The following TNIK variants were observed in gnomAD, a reference collection of about 807,000 sequenced individuals.
TNIK encodes the protein TRAF2 and NCK-interacting protein kinase.
A neutral mutation model predicts 191.3 loss-of-function variants in TNIK; 49 were observed. The observed-to-expected ratio is 0.26, with a 90% CI of 0.20 to 0.32. The LOEUF (loss-of-function observed/expected upper bound fraction) is 0.32. TNIK is among the 10% of genes least tolerant of loss of function. The pLI, the probability that TNIK is intolerant of heterozygous loss-of-function variation, is 1.00. For synonymous variants in TNIK, 594 were observed against 600.9 expected (o/e 0.99, Z 0.17); for missense variants, 1,155 against 1,702.3 (o/e 0.68, Z 5.66).
intron 1 of TNIK, among the ~76,000 whole-genome samples, chr3:171,397,084 A>G (rs1001721121): frequency 5.3e-5 from 8 of 152,234 alleles, no homozygotes; most frequent in Non-Finnish European, 1.2e-4. Flanking sequence ...GAAAGAGATT[A>G]AGGAGCAGAA....
chr3:171,116,291 T>C (rs1351136261), intron 18 of TNIK, among the ~76,000 whole-genome samples: 3 of 152,182 alleles, frequency 2.0e-5, no homozygotes, highest in East Asian at 1.9e-4. Flanking sequence ...CATGAAATAA[T>C]AGATATCCCT....
chr3:171,322,772 C>T (rs1246893790), intron 2 of TNIK, among the ~76,000 whole-genome samples: 8 of 151,834 alleles, frequency 5.3e-5, no homozygotes, highest in Non-Finnish European at 1.2e-4. Flanking sequence ...TGCCCCCTTT[C>T]CTCACCAAAG....
At chr3:171,166,458 T>C (rs1014990290) in intron 10 of TNIK, among the ~76,000 whole-genome samples, 10 of 152,226 alleles carry the variant, frequency 6.6e-5, no homozygotes, top group Non-Finnish European at 1.3e-4. Flanking sequence ...TTTGGACTCA[T>C]GTTCTTTCAA....
intron 21 of TNIK, 109 bp from the exon 22 acceptor site, chr3:171,101,742 A>T: frequency 9.1e-7 from 1 of 1,094,126 alleles, no homozygotes; most frequent in Non-Finnish European, 1.3e-6. Context: ...AAAGCTCTAT[A>T]TAGAACTGTG....
chr3:171,441,075 ATC>A (rs1227457061), intron 1 of TNIK, among the ~76,000 whole-genome samples: 5 of 152,228 alleles, frequency 3.3e-5, no homozygotes, highest in African/African-American at 1.2e-4. Context: ...GAACCCATCT[ATC>A]TCTCCAGGTG....
At chr3:171,064,349 C>T (rs1718156896) in intron 32 of TNIK, among the ~76,000 whole-genome samples, 1 of 152,160 alleles carries the variant, frequency 6.6e-6, no homozygotes, top group Non-Finnish European at 1.5e-5. Context: ...CCTTCTCTCA[C>T]CCTTAAATGA....
Position 171,183,921 on chromosome 3 carries a change from T to TAAA in TNIK, c.639+4778_639+4780dup, listed in dbSNP as rs11437224. ...AGGTGACAAGAGGTAGACTCCGTCT[T>TAAA]AAAAAAAAAAAAAAAAAAAAAAGGC... On this transcript the variant is annotated intron_variant, in intron 7 of 32. Coordinates refer to ENST00000436636, the MANE Select transcript of TNIK (RefSeq NM_015028.4). 9.2e-3 allele frequency among the ~76,000 whole-genome samples: 796 copies of TAAA among 86,312 alleles called. 11 individuals carry two copies. The highest frequency in any genetic ancestry group is 0.045 in the East Asian group (105 of 2,356). The allele number at this position is 86,312 out of a possible 152,430, so 56.6% of individuals were successfully genotyped here. A position where few individuals can be genotyped will look rare whatever the true frequency, so the allele number is the denominator to read the frequency against.
At chr3:171,369,541 G>T in intron 2 of TNIK, 79 bp downstream of exon 2, 1 of 1,107,332 alleles carries the variant, frequency 9.0e-7, no homozygotes, top group Non-Finnish European at 1.3e-6. Flanking sequence ...CCATTTATGA[G>T]CCAGTATAGA....
chr3:171,231,299 T>C (rs1012283596), intron 2 of TNIK, among the ~76,000 whole-genome samples: 27 of 139,990 alleles, frequency 1.9e-4, no homozygotes, highest in African/African-American at 6.8e-4. Context: ...TTTTTTGTTT[T>C]GTTGTTGTTG....
chr3:171,096,387 A>G (rs1722722792), intron 22 of TNIK, among the ~76,000 whole-genome samples: 1 of 152,076 alleles, frequency 6.6e-6, no homozygotes, highest in Admixed American at 6.6e-5. Context: ...TTCAATCTTC[A>G]GTAGCTCCCT....
chr3:171,276,318 C>G (rs1749742694), intron 2 of TNIK, among the ~76,000 whole-genome samples: 1 of 152,120 alleles, frequency 6.6e-6, no homozygotes, highest in Admixed American at 6.5e-5. Context: ...ACCAGTGGAT[C>G]TGAAGGAGGA....
At chr3:171,173,406 A>AAAAAGAAAAG (rs1179398676) in intron 9 of TNIK, among the ~76,000 whole-genome samples, 2 of 150,646 alleles carry the variant, frequency 1.3e-5, no homozygotes, top group Non-Finnish European at 3.0e-5. Flanking sequence ...AAAAAAAAAA[A>AAAAAGAAAAG]AAAAGAAAAG....
At chr3:171,156,196 T>A (rs1260790262) in intron 12 of TNIK, among the ~76,000 whole-genome samples, 1 of 152,226 alleles carries the variant, frequency 6.6e-6, no homozygotes, top group Non-Finnish European at 1.5e-5. Flanking sequence ...TTGACATTAC[T>A]AAAATCACTC....
chr3:171,268,992 C>A (rs1442208771), intron 2 of TNIK, among the ~76,000 whole-genome samples: 1 of 152,106 alleles, frequency 6.6e-6, no homozygotes, highest in Non-Finnish European at 1.5e-5. Flanking sequence ...CCTTCTTTTG[C>A]AGAGTAATTC....
At chr3:171,202,167 A>T (rs927101224) in intron 4 of TNIK, among the ~76,000 whole-genome samples, 2 of 152,116 alleles carry the variant, frequency 1.3e-5, no homozygotes, top group Admixed American at 1.3e-4. Context: ...TGGTGTCTGG[A>T]CTCAAATTCC....
In TNIK at chr3:171,209,524, G is replaced by C. The variant is rs936858667; in HGVS notation, c.306+1592C>G. ...AAGTCCATCAAAATTATATTTTATG[G>C]TGTATCCCTTTGTTGTCATATATCT... On this transcript the variant is annotated intron_variant, in intron 4 of 32. Coordinates refer to ENST00000436636, the MANE Select transcript of TNIK (RefSeq NM_015028.4). Among the ~76,000 whole-genome samples, 3 of 152,000 alleles carry C rather than the reference G, an allele frequency of 2.0e-5. No homozygotes were observed. In the East Asian group the frequency reaches 5.8e-4, roughly 29 times the overall value.
intron 1 of TNIK, among the ~76,000 whole-genome samples, chr3:171,392,404 TTAATG>T (rs1423863344): frequency 6.6e-6 from 1 of 152,112 alleles, no homozygotes; most frequent in Non-Finnish European, 1.5e-5. Flanking sequence ...AATGACATAA[TTAATG>T]TGTAGCACTT....
chr3:171,153,513 T>C (rs1235127818), intron 12 of TNIK, among the ~76,000 whole-genome samples: 1 of 152,114 alleles, frequency 6.6e-6, no homozygotes, highest in East Asian at 1.9e-4. Context: ...CTCAAATGTG[T>C]CCACTTTTCT....
Position 171,150,664 on chromosome 3 carries a change from T to G in TNIK, c.1221+6796A>C, listed in dbSNP as rs563166937. Among the ~76,000 whole-genome samples, 3 of 152,330 alleles carry G rather than the reference T, an allele frequency of 2.0e-5. No homozygotes were observed. In the South Asian group the frequency reaches 6.2e-4, roughly 32 times the overall value. ...CAGGGGAAGGTTCTCTAGGTTTCAC[T>G]GGGAAAAGGAGACTTCCCAAGGTGG... On this transcript the variant is annotated intron_variant, in intron 12 of 32. Coordinates refer to ENST00000436636, the MANE Select transcript of TNIK (RefSeq NM_015028.4).
Sources: gnomAD v4.1 joint callset for allele counts (sites outside exome capture counted in the v4.1 genomes callset) on GRCh38, gnomAD v4.1.1 for gene constraint, MANE v1.5 for transcripts, NCBI Gene and HGNC (gene_info 2026-07-23, HGNC 2026-07-21) for gene names.